Variants in PTCHD4 observed in about 807,000 individuals in gnomAD.
PTCHD4 encodes patched domain containing 4.
A neutral mutation model predicts 58.1 loss-of-function variants in PTCHD4; 33 were observed. The ratio of observed to expected loss-of-function variants is 0.57; its 90% CI spans 0.43 to 0.76. The LOEUF is 0.76. Ranked by LOEUF, PTCHD4 falls within the 30% of genes least tolerant of loss-of-function variation. The pLI is 0.00. For synonymous variants in PTCHD4, 478 were observed against 409.6 expected (o/e 1.17, Z -2.02); for missense variants, 1,058 against 1,027.1 (o/e 1.03, Z -0.41).
intron 1 of PTCHD4, among the ~76,000 whole-genome samples, chr6:48,087,214 T>A (rs2113898815): frequency 6.6e-6 from 1 of 152,322 alleles, no homozygotes; most frequent in Admixed American, 6.5e-5. Context: ...TGTTAACTCT[T>A]TGTGACCATC....
At chr6:47,950,905 A>C (rs1286285955) in intron 4 of PTCHD4, among the ~76,000 whole-genome samples, 2 of 152,238 alleles carry the variant, frequency 1.3e-5, no homozygotes, top group Non-Finnish European at 2.9e-5. Context: ...TCTGGAGGTC[A>C]AATTAAGAAT....
intron 1 of PTCHD4, among the ~76,000 whole-genome samples, chr6:48,090,612 C>G (rs1447300066): frequency 6.6e-6 from 1 of 152,118 alleles, no homozygotes; most frequent in Admixed American, 6.6e-5. Context: ...GGTAAAATAA[C>G]TGTTTCACGA....
intron 4 of PTCHD4, among the ~76,000 whole-genome samples, chr6:47,881,661 C>G (rs1561937650): frequency 6.6e-6 from 1 of 152,086 alleles, no homozygotes. Flanking sequence ...TCTAAGAATT[C>G]TTGCTTCATA....
intron 3 of PTCHD4, among the ~76,000 whole-genome samples, chr6:48,032,805 T>C (rs1763496919): frequency 6.6e-6 from 1 of 152,146 alleles, no homozygotes; most frequent in Non-Finnish European, 1.5e-5. Flanking sequence ...TAAATCTCTT[T>C]CCTCTAATGT....
At position 47,861,478 on chromosome 6, in the gene PTCHD4, T is replaced by A. The variant is rs1763424090; in HGVS notation, c.*16825A>T. Among the ~76,000 whole-genome samples the A allele has an allele frequency of 6.6e-6, 1 of 151,944 alleles. No individual in the cohort carries two copies. The highest frequency in any genetic ancestry group is 1.5e-5 in the Non-Finnish European group (1 of 67,906). On this transcript the variant is annotated 3_prime_UTR_variant, in exon 5 of 5. Coordinates refer to ENST00000339488, the MANE Select transcript of PTCHD4 (RefSeq NM_001384253.1). ...AAAGATGTATACCCTCAAGGCTGTA[T>A]CTGCTGTGTTTAATACACTAATCAA...
At chr6:48,092,224 C>T (rs1765380866) in intron 1 of PTCHD4, among the ~76,000 whole-genome samples, 1 of 152,168 alleles carries the variant, frequency 6.6e-6, no homozygotes, top group Non-Finnish European at 1.5e-5. Context: ...TAGGAATCCA[C>T]TGATGAGATA....
In PTCHD4 at chr6:47,874,612, T is replaced by C. The variant is rs1763798974; in HGVS notation, c.*3691A>G. On this transcript the variant is annotated 3_prime_UTR_variant, in exon 5 of 5. Coordinates refer to ENST00000339488, the MANE Select transcript of PTCHD4 (RefSeq NM_001384253.1). ...TGGACAAAGCTTTTACTGTCTTGAA[T>C]TTAACATTCAAGAATAACTATAATA... is the stretch of plus-strand genomic sequence containing the variant. Among the ~76,000 whole-genome samples, 1 of 151,776 alleles carries C rather than the reference T, an allele frequency of 6.6e-6. No individual in the cohort carries two copies. Among genetic ancestry groups the C allele is most frequent in the Non-Finnish European group, 1.5e-5 (1 of 67,804 alleles).
chr6:47,888,029 A>G (rs556455669), intron 4 of PTCHD4, among the ~76,000 whole-genome samples: 1 of 152,306 alleles, frequency 6.6e-6, no homozygotes. Flanking sequence ...CACTTGAAAT[A>G]TTCCCATCCC....
intron 4 of PTCHD4, among the ~76,000 whole-genome samples, chr6:48,007,202 T>A (rs1278732576): frequency 6.6e-6 from 1 of 151,960 alleles, no homozygotes; most frequent in Admixed American, 6.6e-5. Flanking sequence ...ATCGTGACAC[T>A]GCACTCCAGC....
At chr6:48,038,204 G>GA (rs138515654) in intron 3 of PTCHD4, among the ~76,000 whole-genome samples, 24,587 of 152,034 alleles carry the variant, frequency 0.16, 2,551 homozygotes, top group Non-Finnish European at 0.23. Context: ...CGTGTCTCCT[G>GA]ACCGGGGTTA....
chr6:48,107,239 G>T (rs545072457), intron 1 of PTCHD4, among the ~76,000 whole-genome samples: 1 of 152,086 alleles, frequency 6.6e-6, no homozygotes, highest in African/African-American at 2.4e-5. Flanking sequence ...CATGGTACTC[G>T]TACCAAAACA....
chr6:47,869,614 G>T lies in PTCHD4; in HGVS notation c.*8689C>A, dbSNP rs1763664436. Among the ~76,000 whole-genome samples, 2 of 151,604 alleles carry T rather than the reference G, an allele frequency of 1.3e-5. No individual in the cohort carries two copies. Among genetic ancestry groups the T allele is most frequent in the South Asian group, 4.1e-4 (2 of 4,830 alleles). On this transcript the variant is annotated 3_prime_UTR_variant, in exon 5 of 5. Coordinates refer to ENST00000339488, the MANE Select transcript of PTCHD4 (RefSeq NM_001384253.1). Reference sequence around the variant, plus strand: ...ATTCATAAAAATATCTCTCAGGAATGCCAAGACATTTTGTATTTGCTTCAG... The same window carrying T: ...ATTCATAAAAATATCTCTCAGGAATTCCAAGACATTTTGTATTTGCTTCAG...
At chr6:47,926,529 C>A (rs890619728) in intron 4 of PTCHD4, among the ~76,000 whole-genome samples, 1 of 152,118 alleles carries the variant, frequency 6.6e-6, no homozygotes, top group Non-Finnish European at 1.5e-5. Flanking sequence ...CAGGCCCCAT[C>A]CAAGATCTAT....
intron 3 of PTCHD4, among the ~76,000 whole-genome samples, chr6:48,038,810 T>A (rs911822617): frequency 6.6e-6 from 1 of 152,124 alleles, no homozygotes; most frequent in Non-Finnish European, 1.5e-5. Context: ...TGGTTTCTAT[T>A]TTCTTTTGTT....
Position 47,878,413 on chromosome 6 carries a change from G to A in PTCHD4, c.2422C>T (p.Pro808Ser). ...TTCTTGTGGTGCTTTTTGGAAGGGG[G>A]GAAAAACGTTAGGAACACAGGTAAA... ...VILPVFLTFF[P>S]PSKKHHKKKK... Residue 808 changes from proline (P) to serine (S), a missense_variant, in exon 5 of 5, where the codon CCC (proline) becomes TCC (serine). By Grantham distance (74) the Pro-to-Ser change is moderately conservative. Coordinates refer to ENST00000339488, the MANE Select transcript of PTCHD4 (RefSeq NM_001384253.1). 1 of 1,613,346 alleles carries A rather than the reference G, an allele frequency of 6.2e-7. No homozygotes were observed. The highest frequency in any genetic ancestry group is 2.2e-5 in the East Asian group (1 of 44,838).
chr6:48,037,403 C>G (rs758174854), intron 3 of PTCHD4, among the ~76,000 whole-genome samples: 1 of 152,086 alleles, frequency 6.6e-6, no homozygotes. Context: ...TGTGGATAAG[C>G]GGGAACTACT....
intron 3 of PTCHD4, among the ~76,000 whole-genome samples, chr6:48,065,889 T>C (rs930260298): frequency 3.3e-5 from 5 of 152,342 alleles, no homozygotes; most frequent in Admixed American, 6.5e-5. Context: ...GTTCTTTTTA[T>C]GCTATTATGA....
At chr6:47,880,430 G>T (rs901131926) in intron 4 of PTCHD4, among the ~76,000 whole-genome samples, 1 of 152,170 alleles carries the variant, frequency 6.6e-6, no homozygotes, top group African/African-American at 2.4e-5. Flanking sequence ...CTTAAAAATG[G>T]CTCTAAACTG....
chr6:47,961,787 C>T (rs994437929), intron 4 of PTCHD4, among the ~76,000 whole-genome samples: 1 of 152,116 alleles, frequency 6.6e-6, no homozygotes, highest in African/African-American at 2.4e-5. Context: ...GAGAAATTTA[C>T]TGCACTAAAC....
Sources: gnomAD v4.1 joint callset for allele counts (sites outside exome capture counted in the v4.1 genomes callset) on GRCh38, gnomAD v4.1.1 for gene constraint, MANE v1.5 for transcripts, NCBI Gene and HGNC (gene_info 2026-07-23, HGNC 2026-07-21) for gene names.